Variants in CLVS1 observed in about 807,000 individuals in gnomAD.
CLVS1 encodes the protein clavesin-1.
Under a neutral mutation model 33.1 loss-of-function variants are expected in CLVS1, and 10 were observed. That is an observed-to-expected ratio of 0.30 (90% CI 0.19 to 0.51). The LOEUF (loss-of-function observed/expected upper bound fraction) is 0.51. CLVS1 is among the 20% of genes least tolerant of loss of function. The probability of loss-of-function intolerance (pLI) is 0.97; values close to 1 mark genes in which losing one functional copy is unlikely to be tolerated. For synonymous variants in CLVS1, 163 were observed against 166.1 expected (o/e 0.98, Z 0.14); for missense variants, 343 against 433.4 (o/e 0.79, Z 1.85).
chr8:61,358,076 A>T (rs1812817389), intron 2 of CLVS1, among the ~76,000 whole-genome samples: 1 of 152,232 alleles, frequency 6.6e-6, no homozygotes, highest in African/African-American at 2.4e-5. Context: ...AAGTCACCAG[A>T]GAATTGATTC....
At position 61,488,994 on chromosome 8, in the gene CLVS1, T is replaced by G. The variant is rs550898598; in HGVS notation, c.978-10461T>G. On this transcript the variant is annotated intron_variant, in intron 5 of 5. Transcript: ENST00000325897. ...AGTGTTGATGGATTGCAGTTCTTTA[T>G]AGATGCTGCCAGATATTTGGGTGAA... 1.4e-3 allele frequency among the ~76,000 whole-genome samples: 212 copies of G among 152,338 alleles called. 1 individual carries two copies. The highest frequency in any genetic ancestry group is 5.0e-3 in the African/African-American group (207 of 41,572).
At chr8:61,068,726 G>A (rs1395475479) in intron 1 of CLVS1, among the ~76,000 whole-genome samples, 1 of 152,094 alleles carries the variant, frequency 6.6e-6, no homozygotes, top group East Asian at 1.9e-4. Context: ...GGGAGATAAG[G>A]TGGCCTCCTT....
intron 1 of CLVS1, among the ~76,000 whole-genome samples, chr8:61,091,098 A>G (rs1805239139): frequency 6.6e-6 from 1 of 152,162 alleles, no homozygotes; most frequent in African/African-American, 2.4e-5. Context: ...GCCATGGGAG[A>G]TTAGCCTGGG....
At chr8:60,986,126 T>C in the CLVS1 span, among the ~76,000 whole-genome samples, 3 of 152,212 alleles carry the variant, frequency 2.0e-5, no homozygotes, top group Non-Finnish European at 4.4e-5. Flanking sequence ...CGATTGTAGA[T>C]GCAAAGGTTA....
At chr8:61,335,309 C>T (rs1811759584) in intron 2 of CLVS1, among the ~76,000 whole-genome samples, 1 of 152,168 alleles carries the variant, frequency 6.6e-6, no homozygotes. Flanking sequence ...TGGGAAAGGA[C>T]TTTTACCTTC....
chr8:61,021,477 T>G, the CLVS1 span, among the ~76,000 whole-genome samples: 1 of 151,950 alleles, frequency 6.6e-6, no homozygotes, highest in African/African-American at 2.4e-5. Flanking sequence ...CAGCCTCCCA[T>G]GTAGCTGTGA....
chr8:61,112,555 G>C (rs761160481), intron 1 of CLVS1, among the ~76,000 whole-genome samples: 18 of 152,164 alleles, frequency 1.2e-4, no homozygotes, highest in Non-Finnish European at 2.5e-4. Context: ...GAAATAATTA[G>C]CCAATTAAAG....
At chr8:61,366,427 C>G (rs1277421794) in intron 2 of CLVS1, among the ~76,000 whole-genome samples, 1 of 152,232 alleles carries the variant, frequency 6.6e-6, no homozygotes, top group Admixed American at 6.5e-5. Flanking sequence ...CTCTCCTAAA[C>G]CAGAATCAAA....
chr8:61,280,783 T>G (rs1809654158), intron 2 of CLVS1, among the ~76,000 whole-genome samples: 1 of 152,104 alleles, frequency 6.6e-6, no homozygotes, highest in African/African-American at 2.4e-5. Context: ...TAAGTGATCA[T>G]TAATTATTTT....
intron 5 of CLVS1, among the ~76,000 whole-genome samples, chr8:61,482,053 G>A (rs763366848): frequency 1.6e-4 from 25 of 152,128 alleles, no homozygotes; most frequent in Non-Finnish European, 2.6e-4. Flanking sequence ...ATTTGCTATT[G>A]TGCAGCCTCC....
the CLVS1 span, among the ~76,000 whole-genome samples, chr8:60,975,149 T>C: frequency 6.6e-5 from 10 of 152,094 alleles, no homozygotes; most frequent in Admixed American, 2.6e-4. Flanking sequence ...AGGGAAGACA[T>C]CATAGATGAG....
intron 2 of CLVS1, among the ~76,000 whole-genome samples, chr8:61,366,039 A>G (rs1190726937): frequency 6.6e-6 from 1 of 152,244 alleles, no homozygotes; most frequent in Non-Finnish European, 1.5e-5. Context: ...CAAGGGATTT[A>G]CTAGAATAGA....
intron 2 of CLVS1, among the ~76,000 whole-genome samples, chr8:61,374,507 C>T (rs559412808): frequency 4.6e-5 from 7 of 152,264 alleles, no homozygotes; most frequent in South Asian, 2.1e-4. Flanking sequence ...CCTTGTTCCT[C>T]TTAAATCAAT....
intron 3 of CLVS1, among the ~76,000 whole-genome samples, chr8:61,448,265 G>T (rs2129606701): frequency 6.6e-6 from 1 of 151,950 alleles, no homozygotes; most frequent in Admixed American, 6.6e-5. Flanking sequence ...TCAGCTTCTT[G>T]AATCTGTAGG....
chr8:61,466,710 C>A (rs979196927), intron 5 of CLVS1, among the ~76,000 whole-genome samples: 1 of 152,250 alleles, frequency 6.6e-6, no homozygotes, highest in South Asian at 2.1e-4. Flanking sequence ...TGCAGTGGCA[C>A]GATCTCAGCT....
At chr8:61,067,682 C>A (rs1446989524) in intron 1 of CLVS1, among the ~76,000 whole-genome samples, 1 of 152,000 alleles carries the variant, frequency 6.6e-6, no homozygotes, top group East Asian at 1.9e-4. Context: ...CCAGCCTGGA[C>A]AACATAGAGA....
At chr8:61,192,346 C>T (rs1807503410) in intron 2 of CLVS1, among the ~76,000 whole-genome samples, 1 of 152,108 alleles carries the variant, frequency 6.6e-6, no homozygotes, top group Admixed American at 6.6e-5. Context: ...AAACTGGATC[C>T]CTTCCTTACA....
chr8:61,225,751 C>A (rs1448259531), intron 2 of CLVS1, among the ~76,000 whole-genome samples: 1 of 152,320 alleles, frequency 6.6e-6, no homozygotes, highest in East Asian at 1.9e-4. Flanking sequence ...AGGCAATTTG[C>A]ACAATGTACA....
intron 2 of CLVS1, among the ~76,000 whole-genome samples, chr8:61,325,880 T>A (rs2129596747): frequency 6.6e-6 from 1 of 152,306 alleles, no homozygotes; most frequent in Middle Eastern, 3.4e-3. Context: ...TTATAGTTCA[T>A]CTCACCCTAA....
Sources: allele counts gnomAD v4.1 joint callset (sites outside exome capture counted in the v4.1 genomes callset), GRCh38; gene constraint gnomAD v4.1.1; transcripts MANE v1.5; gene names NCBI Gene and HGNC (gene_info 2026-07-23, HGNC 2026-07-21).